Variants in INSL6 observed in about 807,000 individuals in gnomAD.
INSL6 encodes insulin like 6, also known as insulin-like peptide INSL6.
Under a neutral mutation model 9.4 loss-of-function variants are expected in INSL6, and 16 were observed. That is an observed-to-expected ratio of 1.70 (90% CI 1.15 to 2.59). INSL6 has a LOEUF of 2.59. Among genes scored for constraint, INSL6 ranks in the 30% most tolerant of loss-of-function variants. The pLI, the probability that INSL6 is intolerant of heterozygous loss-of-function variation, is 0.00. For missense variants in INSL6, 391 were observed against 257.3 expected (o/e 1.52, Z -3.56); for synonymous variants, 154 against 96.9 (o/e 1.59, Z -3.46).
the INSL6 span, chr9:5,114,440 G>A: frequency 2.1e-6 from 1 of 484,290 alleles, no homozygotes; most frequent in Non-Finnish European, 4.1e-6. Flanking sequence ...AGTGCAGGGT[G>A]ACCCACACCC....
chr9:5,182,841 C>G (rs1219205961), intron 1 of INSL6, among the ~76,000 whole-genome samples: 1 of 152,016 alleles, frequency 6.6e-6, no homozygotes, highest in Non-Finnish European at 1.5e-5. Context: ...TGCCACATTA[C>G]GGGGTAGGTC....
At chr9:5,107,431 G>A in the INSL6 span, among the ~76,000 whole-genome samples, 2 of 151,984 alleles carry the variant, frequency 1.3e-5, no homozygotes, top group African/African-American at 4.8e-5. Flanking sequence ...CTTAGAAATC[G>A]CTCTAATACT....
At chr9:5,004,259 T>C in the INSL6 span, among the ~76,000 whole-genome samples, 1 of 152,172 alleles carries the variant, frequency 6.6e-6, no homozygotes, top group Non-Finnish European at 1.5e-5. Flanking sequence ...AAATTTCGTA[T>C]CCTTTGACCA....
chr9:5,094,275 G>C, the INSL6 span: 2 of 152,146 alleles, frequency 1.3e-5, no homozygotes, highest in Admixed American at 6.6e-5. Context: ...AACGTCTACT[G>C]TTACCCTTTA....
chr9:5,071,253 A>T, the INSL6 span, among the ~76,000 whole-genome samples: 1 of 152,220 alleles, frequency 6.6e-6, no homozygotes, highest in African/African-American at 2.4e-5. Flanking sequence ...AGATAAAAGC[A>T]TTGCAAACAC....
chr9:5,040,026 G>A, the INSL6 span, among the ~76,000 whole-genome samples: 4 of 152,096 alleles, frequency 2.6e-5, no homozygotes, highest in African/African-American at 9.7e-5. Context: ...ACAATACAAA[G>A]TTTGAAGACT....
chr9:5,102,431 G>C, the INSL6 span, among the ~76,000 whole-genome samples: 1 of 152,328 alleles, frequency 6.6e-6, no homozygotes, highest in African/African-American at 2.4e-5. Flanking sequence ...GTACCTGAAA[G>C]TGACGGGGAG....
chr9:5,096,499 G>A, the INSL6 span, among the ~76,000 whole-genome samples: 12 of 152,278 alleles, frequency 7.9e-5, no homozygotes, highest in East Asian at 2.1e-3. Flanking sequence ...CCTCCATGTG[G>A]GGGGAGGGTG....
At chr9:5,085,253 T>C in the INSL6 span, 38 of 678,308 alleles carry the variant, frequency 5.6e-5, no homozygotes, top group East Asian at 3.9e-4. Context: ...GTGGCTAACC[T>C]GAGATTCACA....
At chr9:5,039,500 A>G in the INSL6 span, among the ~76,000 whole-genome samples, 1 of 152,128 alleles carries the variant, frequency 6.6e-6, no homozygotes, top group Non-Finnish European at 1.5e-5. Flanking sequence ...AGATTTTGGT[A>G]TGTGTGGGAG....
the INSL6 span, among the ~76,000 whole-genome samples, chr9:5,022,979 A>T: frequency 1.3e-5 from 2 of 152,236 alleles, no homozygotes; most frequent in Non-Finnish European, 2.9e-5. Flanking sequence ...AGTATAGGTC[A>T]GAATAACCAT....
At chr9:5,118,709 G>C in the INSL6 span, among the ~76,000 whole-genome samples, 1 of 152,150 alleles carries the variant, frequency 6.6e-6, no homozygotes, top group Admixed American at 6.5e-5. Context: ...GGAATGGAAG[G>C]AGTTTTGTTA....
At chr9:5,044,534 A>G in the INSL6 span, 3 of 1,421,676 alleles carry the variant, frequency 2.1e-6, no homozygotes, top group Non-Finnish European at 2.9e-6. Flanking sequence ...TGATTATATT[A>G]TCTTACTTGT....
chr9:5,136,039 T>G (rs987181239), intron 2 of INSL6, among the ~76,000 whole-genome samples: 1 of 152,084 alleles, frequency 6.6e-6, no homozygotes, highest in Non-Finnish European at 1.5e-5. Context: ...ATAGATAAAT[T>G]CCTGGACACA....
the INSL6 span, among the ~76,000 whole-genome samples, chr9:5,002,445 A>G: frequency 2.6e-5 from 4 of 151,982 alleles, no homozygotes; most frequent in Non-Finnish European, 4.4e-5. Flanking sequence ...TTTTCTAGAT[A>G]GTTTTTTGAT....
At chr9:5,114,253 G>A in the INSL6 span, 1 of 540,284 alleles carries the variant, frequency 1.9e-6, no homozygotes, top group Non-Finnish European at 3.7e-6. Flanking sequence ...ACAATCACCT[G>A]TCTGGTGGTG....
the INSL6 span, chr9:5,050,971 A>C: frequency 1.3e-6 from 1 of 770,616 alleles, no homozygotes; most frequent in Non-Finnish European, 2.1e-6. Flanking sequence ...TTGGAATCAG[A>C]AATGCTTCAG....
chr9:5,178,713 C>T (rs368080394), intron 1 of INSL6, among the ~76,000 whole-genome samples: 1 of 152,104 alleles, frequency 6.6e-6, no homozygotes, highest in Non-Finnish European at 1.5e-5. Context: ...ACACCACACA[C>T]CTACAACCAT....
the INSL6 span, among the ~76,000 whole-genome samples, chr9:5,053,300 T>C: frequency 3.9e-5 from 6 of 152,190 alleles, no homozygotes; most frequent in South Asian, 8.3e-4. Flanking sequence ...TTTGAATTCA[T>C]TGCTCATTTT....
Sources: gnomAD v4.1 joint callset for allele counts (sites outside exome capture counted in the v4.1 genomes callset) on GRCh38, gnomAD v4.1.1 for gene constraint, MANE v1.5 for transcripts, NCBI Gene and HGNC (gene_info 2026-07-23, HGNC 2026-07-21) for gene names.